Variants in ADAMTSL1 observed in about 807,000 individuals in gnomAD.
The protein encoded by ADAMTSL1 is ADAMTS like 1, also known as ADAMTS-like protein 1.
ADAMTSL1 carries 126 observed loss-of-function variants against 201.8 expected under a neutral mutation model. The ratio of observed to expected loss-of-function variants is 0.62; its 90% CI spans 0.54 to 0.72. The LOEUF is 0.72. Ranked by LOEUF, ADAMTSL1 falls within the 30% of genes least tolerant of loss-of-function variation. The pLI, the probability that ADAMTSL1 is intolerant of heterozygous loss-of-function variation, is 0.00. For missense variants in ADAMTSL1, 2,679 were observed against 2,277.8 expected (o/e 1.18, Z -3.59); for synonymous variants, 1,121 against 903.4 (o/e 1.24, Z -4.32).
chr9:18,551,283 ATATAT>A (rs1404485234), intron 3 of ADAMTSL1, among the ~76,000 whole-genome samples: 2 of 151,778 alleles, frequency 1.3e-5, no homozygotes, highest in African/African-American at 2.4e-5. Context: ...CTTGCTCATA[ATATAT>A]TATATTGTTT....
At chr9:18,250,656 G>T (rs534169887) in intron 2 of ADAMTSL1, among the ~76,000 whole-genome samples, 34 of 152,120 alleles carry the variant, frequency 2.2e-4, no homozygotes, top group African/African-American at 8.2e-4. Flanking sequence ...TGGATGGCTG[G>T]GGCCCTGGGA....
At chr9:18,646,185 CTGT>C (rs1481011870) in intron 7 of ADAMTSL1, among the ~76,000 whole-genome samples, 1 of 151,656 alleles carries the variant, frequency 6.6e-6, no homozygotes, top group East Asian at 1.9e-4. Context: ...ATTTGGCTCT[CTGT>C]TTGTCTGTTA....
intron 1 of ADAMTSL1, among the ~76,000 whole-genome samples, chr9:18,086,969 C>T (rs1823795598): frequency 1.3e-5 from 2 of 152,158 alleles, no homozygotes. Context: ...AGAACTCAAA[C>T]AATAATCTAT....
intron 1 of ADAMTSL1, among the ~76,000 whole-genome samples, chr9:18,029,719 C>T (rs1360146107): frequency 2.0e-5 from 3 of 152,102 alleles, no homozygotes; most frequent in Non-Finnish European, 4.4e-5. Flanking sequence ...CAAACAACCC[C>T]ATCAAAAAGT....
intron 2 of ADAMTSL1, among the ~76,000 whole-genome samples, chr9:18,340,185 G>T (rs1327996901): frequency 1.3e-5 from 2 of 152,122 alleles, no homozygotes; most frequent in African/African-American, 4.8e-5. Flanking sequence ...CTGTCTGGTT[G>T]TTTCTTTCTA....
At chr9:18,395,307 G>C (rs1444401035) in intron 2 of ADAMTSL1, among the ~76,000 whole-genome samples, 1 of 152,172 alleles carries the variant, frequency 6.6e-6, no homozygotes, top group African/African-American at 2.4e-5. Flanking sequence ...TTTAAATCCT[G>C]CTTTTTTCCA....
At chr9:18,664,683 TAGAC>T (rs1353724307) in intron 9 of ADAMTSL1, among the ~76,000 whole-genome samples, 1 of 152,066 alleles carries the variant, frequency 6.6e-6, no homozygotes, top group Non-Finnish European at 1.5e-5. Flanking sequence ...AAGTCCCAGT[TAGAC>T]AGCCAACTTT....
rs541379905 is a variant in ADAMTSL1, at chr9:18,648,653, G to A, written c.835-8986G>A. On this transcript the variant is annotated intron_variant, in intron 7 of 28. Coordinates refer to ENST00000380548, the MANE Select transcript of ADAMTSL1 (RefSeq NM_001040272.6). ...ATTTCTCCTTCACTGATGAAGCTTA[G>A]TTTGGCTGGATATGAAATTCTGGGT... Among the ~76,000 whole-genome samples the A allele has an allele frequency of 7.2e-3, 1,099 of 151,748 alleles. 8 individuals are homozygous for A. Among genetic ancestry groups the A allele is most frequent in the African/African-American group, 0.025 (1,048 of 41,308 alleles).
chr9:18,573,149 C>T (rs1822449957), intron 3 of ADAMTSL1, among the ~76,000 whole-genome samples: 1 of 152,108 alleles, frequency 6.6e-6, no homozygotes. Flanking sequence ...ATATAATTTA[C>T]AATTCAAATT....
intron 2 of ADAMTSL1, among the ~76,000 whole-genome samples, chr9:18,389,191 T>C (rs570018882): frequency 1.3e-5 from 2 of 152,294 alleles, no homozygotes; most frequent in East Asian, 3.9e-4. Context: ...ACCTCTTTTT[T>C]TTTTTTAAGA....
intron 15 of ADAMTSL1, chr9:18,723,370 T>G (rs1817666519): frequency 6.7e-6 from 3 of 447,644 alleles, no homozygotes; most frequent in Non-Finnish European, 1.2e-5. Flanking sequence ...ACCCAAATGC[T>G]GAGGCAGTGC....
chr9:18,384,230 A>G (rs1837686783), intron 2 of ADAMTSL1, among the ~76,000 whole-genome samples: 1 of 152,124 alleles, frequency 6.6e-6, no homozygotes, highest in African/African-American at 2.4e-5. Flanking sequence ...GGAAGCAGGC[A>G]CTATCCTCAC....
chr9:18,353,688 C>T (rs1404649917), intron 2 of ADAMTSL1, among the ~76,000 whole-genome samples: 1 of 152,142 alleles, frequency 6.6e-6, no homozygotes, highest in African/African-American at 2.4e-5. Context: ...TTCTATATTG[C>T]TCCACCAGGG....
chr9:17,981,630 G>C (rs1818703804), intron 1 of ADAMTSL1, among the ~76,000 whole-genome samples: 1 of 152,116 alleles, frequency 6.6e-6, no homozygotes, highest in Non-Finnish European at 1.5e-5. Flanking sequence ...AGGCACCTGA[G>C]GCCATTCCCT....
chr9:18,240,332 A>G (rs1482549231), intron 2 of ADAMTSL1, among the ~76,000 whole-genome samples: 5 of 134,396 alleles, frequency 3.7e-5, no homozygotes, highest in Admixed American at 1.6e-4. Flanking sequence ...GTAATGTTTT[A>G]AAATGAATCT....
intron 7 of ADAMTSL1, among the ~76,000 whole-genome samples, chr9:18,644,813 G>C: frequency 6.6e-6 from 1 of 152,052 alleles, no homozygotes. Flanking sequence ...TTAGTTCCAA[G>C]TCTTTGTTAT....
At chr9:18,249,353 A>G (rs1831379189) in intron 2 of ADAMTSL1, among the ~76,000 whole-genome samples, 1 of 152,248 alleles carries the variant, frequency 6.6e-6, no homozygotes. Flanking sequence ...ACCTAAGTCT[A>G]TAGAAAGTTA....
intron 2 of ADAMTSL1, among the ~76,000 whole-genome samples, chr9:18,287,183 G>T (rs1204160331): frequency 6.6e-6 from 1 of 152,058 alleles, no homozygotes; most frequent in Non-Finnish European, 1.5e-5. Context: ...AGAAGAAAAA[G>T]GTGACAAGCC....
At chr9:18,684,881 C>G (rs1830730315) in intron 13 of ADAMTSL1, 81 bp downstream of exon 13, 1 of 1,526,016 alleles carries the variant, frequency 6.6e-7, no homozygotes, top group South Asian at 1.3e-5. Context: ...TTGTAGCTTT[C>G]ATGGGTTCTG....
Sources: gnomAD v4.1 joint callset for allele counts (sites outside exome capture counted in the v4.1 genomes callset) on GRCh38, gnomAD v4.1.1 for gene constraint, MANE v1.5 for transcripts, NCBI Gene and HGNC (gene_info 2026-07-23, HGNC 2026-07-21) for gene names.